LARP4B: variants seen among roughly 807,000 people sequenced by gnomAD.
LARP4B encodes the protein la-related protein 4B.
In LARP4B, 12 loss-of-function variants were observed where a neutral mutation model predicts 89.8. The ratio of observed to expected loss-of-function variants is 0.13; its 90% CI spans 0.09 to 0.22. The LOEUF (loss-of-function observed/expected upper bound fraction) is 0.22. LARP4B is among the 10% of genes least tolerant of loss of function. LARP4B has a pLI of 1.00. For synonymous variants in LARP4B, 367 were observed against 363.3 expected (o/e 1.01, Z -0.12); for missense variants, 757 against 947.7 (o/e 0.80, Z 2.64).
intron 1 of LARP4B, among the ~76,000 whole-genome samples, chr10:914,833 GAAA>G (rs1308777058): frequency 3.4e-5 from 2 of 59,210 alleles, no homozygotes. Context: ...CCCCAGCAAA[GAAA>G]AAAAAAAAAA....
chr10:918,973 AG>A (rs1836904684), intron 1 of LARP4B, among the ~76,000 whole-genome samples: 1 of 151,732 alleles, frequency 6.6e-6, no homozygotes, highest in Non-Finnish European at 1.5e-5. Context: ...CCCAGCTACT[AG>A]GGAGGCTGAG....
rs760402500 is a variant in LARP4B at position 829,421 on chromosome 10, C to T, written c.1089G>A (p.Thr363=). 23 of 1,612,880 alleles carry T rather than the reference C, an allele frequency of 1.4e-5. No individual in the cohort carries two copies. In the East Asian group the frequency reaches 3.3e-4, roughly 23 times the overall value. ...CAAGATAGCTGTGCGTTGCTGACCA[C>T]GTCTGGGGAGTGATCAGGCTGTACA... ...FPLYSLITPQ[T]WSATHSYLDP... The change falls in exon 11 of 18, where the codon ACG becomes ACA. Residue 363 remains threonine, a synonymous_variant. Coordinates refer to ENST00000316157, the MANE Select transcript of LARP4B (RefSeq NM_015155.3).
the LARP4B span, among the ~76,000 whole-genome samples, chr10:982,239 G>A: frequency 0.19 from 29,160 of 151,176 alleles, 2,916 homozygotes; most frequent in East Asian, 0.28. Context: ...CTACAGGTGC[G>A]TGTAACTATG....
the LARP4B span, among the ~76,000 whole-genome samples, chr10:957,180 G>C: frequency 6.6e-6 from 1 of 151,960 alleles, no homozygotes; most frequent in African/African-American, 2.4e-5. Context: ...TTTTATTTTT[G>C]AAACAAGGTC....
chr10:885,245 C>T (rs185333459), intron 2 of LARP4B, among the ~76,000 whole-genome samples: 30 of 152,300 alleles, frequency 2.0e-4, no homozygotes, highest in African/African-American at 6.3e-4. Context: ...AACAGCCTTG[C>T]TAAGCTTCTC....
At chr10:958,301 C>A in the LARP4B span, among the ~76,000 whole-genome samples, 4 of 152,160 alleles carry the variant, frequency 2.6e-5, no homozygotes, top group Non-Finnish European at 5.9e-5. Flanking sequence ...GACTATCTGA[C>A]CACTGTCAGG....
chr10:861,999 C>A (rs1834636689), intron 5 of LARP4B, among the ~76,000 whole-genome samples: 1 of 152,028 alleles, frequency 6.6e-6, no homozygotes, highest in Non-Finnish European at 1.5e-5. Flanking sequence ...CCAGTTTATC[C>A]CAATGTTCTG....
At position 925,884 on chromosome 10, in the gene LARP4B, T is replaced by C. The variant is rs151319009; in HGVS notation, c.-40+5544A>G. 1.3e-3 allele frequency among the ~76,000 whole-genome samples: 204 copies of C among 152,364 alleles called. 3 individuals are homozygous for C. In the South Asian group the frequency reaches 0.017, roughly 13 times the overall value. On this transcript the variant is annotated intron_variant, in intron 1 of 17. Coordinates refer to ENST00000316157, the MANE Select transcript of LARP4B (RefSeq NM_015155.3). Reference sequence around the variant, plus strand: ...GAGAAACAGTATAATTTAAAGGTCATGTGGCTAAATTACTCTATCTGAAAA... The same window carrying C: ...GAGAAACAGTATAATTTAAAGGTCACGTGGCTAAATTACTCTATCTGAAAA...
chr10:857,302 T>C (rs762806478), intron 5 of LARP4B, among the ~76,000 whole-genome samples: 1 of 151,488 alleles, frequency 6.6e-6, no homozygotes, highest in Non-Finnish European at 1.5e-5. Flanking sequence ...AGCAGAGAGA[T>C]GGAAATCCCA....
Position 811,672 on chromosome 10 carries a change from CT to C in LARP4B, c.*1253del, listed in dbSNP as rs1831747597. ...AAATATTGGATGGAAATAATTTTTT[CT>C]TAAAAAAAACCCTCAGTCTTGTTAA... On this transcript the variant is annotated 3_prime_UTR_variant, in exon 18 of 18. Coordinates refer to ENST00000316157, the MANE Select transcript of LARP4B (RefSeq NM_015155.3). 2 of 152,034 alleles carry C rather than the reference CT, an allele frequency of 1.3e-5. No individual in the cohort carries two copies. Among genetic ancestry groups the C allele is most frequent in the African/African-American group, 4.8e-5 (2 of 41,262 alleles). 9.4% of individuals were successfully genotyped at this position (152,034 alleles called of 1,614,324 possible).
At chr10:970,260 A>G in the LARP4B span, among the ~76,000 whole-genome samples, 3 of 152,260 alleles carry the variant, frequency 2.0e-5, no homozygotes, top group Non-Finnish European at 4.4e-5. Context: ...AGGTTTAGTT[A>G]CTGCAAAAAG....
At position 812,877 on chromosome 10, in the gene LARP4B, C is replaced by T. The variant is rs144868339; in HGVS notation, c.*49G>A. The T allele has an allele frequency of 2.4e-4, 358 of 1,484,820 alleles. 5 individuals are homozygous for T. The African/African-American group carries it at 4.6e-3, about 19-fold the overall frequency. The allele number at this position is 1,484,820 out of a possible 1,614,324, so 92.0% of individuals were successfully genotyped here. On this transcript the variant is annotated 3_prime_UTR_variant, in exon 18 of 18. Transcript: ENST00000316157. ...CCTCGCACTGAGTGGGAGAGTGTCT[C>T]GTTTGTGGTTAACACAGCGCTCTGC...
the LARP4B span, among the ~76,000 whole-genome samples, chr10:973,483 C>G: frequency 2.6e-5 from 4 of 152,018 alleles, no homozygotes; most frequent in Non-Finnish European, 5.9e-5. Flanking sequence ...TCCCAAGTAG[C>G]TGGGACTACA....
At chr10:952,363 A>AAG in the LARP4B span, among the ~76,000 whole-genome samples, 6 of 148,288 alleles carry the variant, frequency 4.0e-5, no homozygotes, top group Non-Finnish European at 8.9e-5. Context: ...AAAAAAAAAA[A>AAG]GGAAGAAATC....
intron 8 of LARP4B, among the ~76,000 whole-genome samples, chr10:832,668 A>C (rs1832970526): frequency 6.6e-6 from 1 of 152,214 alleles, no homozygotes; most frequent in South Asian, 2.1e-4. Flanking sequence ...GTATCTTTAA[A>C]ACACAGAAAG....
At chr10:877,731 A>G (rs1835513820) in intron 3 of LARP4B, among the ~76,000 whole-genome samples, 1 of 152,228 alleles carries the variant, frequency 6.6e-6, no homozygotes, top group African/African-American at 2.4e-5. Flanking sequence ...GAGAGTCTGC[A>G]GTGATTACCA....
chr10:918,732 T>C (rs1325345466), intron 1 of LARP4B, among the ~76,000 whole-genome samples: 1 of 150,542 alleles, frequency 6.6e-6, no homozygotes, highest in Non-Finnish European at 1.5e-5. Flanking sequence ...TGTTCGGAAA[T>C]GTAGATAACT....
chr10:957,012 A>G, the LARP4B span, among the ~76,000 whole-genome samples: 1 of 152,198 alleles, frequency 6.6e-6, no homozygotes, highest in Non-Finnish European at 1.5e-5. Flanking sequence ...TCATTCTGTG[A>G]TGGGAATGAA....
chr10:874,126 C>T (rs1835357044), intron 3 of LARP4B, among the ~76,000 whole-genome samples: 1 of 152,008 alleles, frequency 6.6e-6, no homozygotes, highest in African/African-American at 2.4e-5. Context: ...TCCAGCTACT[C>T]GGAAGGCTGA....
Sources: gnomAD v4.1 joint callset for allele counts (sites outside exome capture counted in the v4.1 genomes callset) on GRCh38, gnomAD v4.1.1 for gene constraint, MANE v1.5 for transcripts, NCBI Gene and HGNC (gene_info 2026-07-23, HGNC 2026-07-21) for gene names.